Variants in SPON1 observed in about 807,000 individuals in gnomAD.
SPON1 encodes spondin-1.
Under a neutral mutation model 111.7 loss-of-function variants are expected in SPON1, and 52 were observed. That is an observed-to-expected ratio of 0.47 (90% CI 0.37 to 0.59). The LOEUF (loss-of-function observed/expected upper bound fraction) is 0.59. Ranked by LOEUF, SPON1 falls within the 20% of genes least tolerant of loss-of-function variation. The pLI is 0.00. For synonymous variants in SPON1, 410 were observed against 395.8 expected (o/e 1.04, Z -0.43); for missense variants, 957 against 1,068.5 (o/e 0.90, Z 1.46).
chr11:14,229,415 G>A (rs142315411), intron 6 of SPON1, among the ~76,000 whole-genome samples: 4 of 152,288 alleles, frequency 2.6e-5, no homozygotes, highest in Non-Finnish European at 2.9e-5. Context: ...TTGGTGCGTG[G>A]GCATGACAGG....
intron 7 of SPON1, among the ~76,000 whole-genome samples, chr11:14,250,655 G>C (rs1348830539): frequency 6.6e-5 from 10 of 152,052 alleles, no homozygotes; most frequent in African/African-American, 1.9e-4. Flanking sequence ...ACAAATCTAA[G>C]TCCCAGGTAG....
At chr11:14,217,725 G>C (rs1300857226) in intron 6 of SPON1, among the ~76,000 whole-genome samples, 6 of 151,884 alleles carry the variant, frequency 4.0e-5, no homozygotes, top group African/African-American at 1.5e-4. Flanking sequence ...AAAATATTGA[G>C]ATCTCTGAGT....
At chr11:14,240,731 C>T (rs1393019413) in intron 6 of SPON1, among the ~76,000 whole-genome samples, 1 of 152,050 alleles carries the variant, frequency 6.6e-6, no homozygotes, top group Non-Finnish European at 1.5e-5. Flanking sequence ...GGCCAGCTAA[C>T]TTGGCAGCCA....
chr11:14,115,662 A>G lies in SPON1; in HGVS notation c.677-19758A>G, dbSNP rs143782469. Among the ~76,000 whole-genome samples, 380 of 152,206 alleles carry G rather than the reference A, an allele frequency of 2.5e-3. 3 individuals carry two copies. The highest frequency in any genetic ancestry group is 8.2e-3 in the African/African-American group (341 of 41,524). ...TGAATCTACCGCTTTTCATTTATCT[A>G]TCCTATTATGGATGAACATTTGGGT... On this transcript the variant is annotated intron_variant, in intron 5 of 15. Coordinates refer to ENST00000576479, the MANE Select transcript of SPON1 (RefSeq NM_006108.4).
chr11:14,146,985 C>A (rs1554929399), intron 6 of SPON1, among the ~76,000 whole-genome samples: 2 of 129,196 alleles, frequency 1.5e-5, no homozygotes, highest in East Asian at 2.3e-4. Context: ...TAAATGAAAA[C>A]ATAAAAACGT....
intron 6 of SPON1, among the ~76,000 whole-genome samples, chr11:14,217,073 G>A (rs1459475403): frequency 1.3e-5 from 2 of 152,184 alleles, no homozygotes; most frequent in South Asian, 2.1e-4. Flanking sequence ...TGCGTCATAG[G>A]TGTTTGCTGG....
rs1554941390 is a variant in SPON1, at chr11:14,257,770, G to A, written c.1364G>A (p.Ser455Asn). ...AACTGGTCCCCATGGTCCGCCTGCAGCTCCTCCACCTGTGACAAAGGCAAG... is the reference window on the plus strand; with the variant it reads ...AACTGGTCCCCATGGTCCGCCTGCAACTCCTCCACCTGTGACAAAGGCAAG... ...YSNWSPWSAC[S>N]SSTCDKGKRM... Residue 455 changes from serine (S) to asparagine (N), a missense_variant, in exon 11 of 16, where the codon AGC becomes AAC. Physicochemically the swap from Ser to Asn is conservative, Grantham distance 46. Coordinates refer to ENST00000576479, the MANE Select transcript of SPON1 (RefSeq NM_006108.4). 6.2e-7 allele frequency: 1 copy of A among 1,613,430 alleles called. No individual in the cohort carries two copies. The highest frequency in any genetic ancestry group is 2.2e-5 in the East Asian group (1 of 44,874).
intron 3 of SPON1, among the ~76,000 whole-genome samples, chr11:14,071,171 AGC>A (rs1848872806): frequency 6.6e-6 from 1 of 152,138 alleles, no homozygotes; most frequent in Non-Finnish European, 1.5e-5. Flanking sequence ...TATAAACCTC[AGC>A]TGAGTTTTAT....
intron 6 of SPON1, among the ~76,000 whole-genome samples, chr11:14,226,192 G>A (rs1262913923): frequency 1.3e-5 from 2 of 152,170 alleles, no homozygotes; most frequent in East Asian, 1.9e-4. Flanking sequence ...AGGAAGTAGA[G>A]AGAGAGGATT....
chr11:14,169,876 C>A (rs1554932256), intron 6 of SPON1, among the ~76,000 whole-genome samples: 1 of 152,076 alleles, frequency 6.6e-6, no homozygotes, highest in African/African-American at 2.4e-5. Flanking sequence ...GGTACCAGTA[C>A]CATGCTGTTT....
intron 2 of SPON1, among the ~76,000 whole-genome samples, chr11:13,990,436 C>A (rs1445172490): frequency 1.7e-5 from 2 of 118,516 alleles, no homozygotes; most frequent in African/African-American, 6.6e-5. Flanking sequence ...AAATATTCCT[C>A]CATCCCTTTA....
At chr11:14,255,157 G>A (rs782803378) in intron 8 of SPON1, among the ~76,000 whole-genome samples, 28 of 152,182 alleles carry the variant, frequency 1.8e-4, no homozygotes, top group Non-Finnish European at 3.2e-4. Flanking sequence ...AGACAAATCT[G>A]CCCTACAATG....
At chr11:14,048,013 G>A (rs1848682080) in intron 3 of SPON1, among the ~76,000 whole-genome samples, 1 of 152,196 alleles carries the variant, frequency 6.6e-6, no homozygotes, top group South Asian at 2.1e-4. Context: ...GCTGAGGCGG[G>A]CAGATCACCT....
chr11:14,251,993 A>C (rs1289141021), intron 7 of SPON1, among the ~76,000 whole-genome samples: 1 of 152,244 alleles, frequency 6.6e-6, no homozygotes, highest in African/African-American at 2.4e-5. Flanking sequence ...AAAGCATCTC[A>C]TTTGATCCTG....
intron 2 of SPON1, among the ~76,000 whole-genome samples, chr11:14,004,616 G>A (rs1554912879): frequency 1.3e-5 from 2 of 151,986 alleles, no homozygotes; most frequent in Non-Finnish European, 2.9e-5. Flanking sequence ...ATACCTGTTG[G>A]CCATTTTTAT....
intron 5 of SPON1, among the ~76,000 whole-genome samples, chr11:14,123,200 T>C (rs1252167356): frequency 2.6e-5 from 4 of 152,092 alleles, no homozygotes; most frequent in Admixed American, 2.0e-4. Context: ...CCCAAAGTGC[T>C]GGGATTACAG....
chr11:14,240,324 A>ATGCTCCTGCTT (rs1353825681), intron 6 of SPON1, among the ~76,000 whole-genome samples: 4 of 152,230 alleles, frequency 2.6e-5, no homozygotes, highest in African/African-American at 9.6e-5. Flanking sequence ...ATGTGGTAGA[A>ATGCTCCTGCTT]TGCTCCTGCT....
chr11:14,063,173 G>A (rs1241429402), intron 3 of SPON1, among the ~76,000 whole-genome samples: 1 of 152,114 alleles, frequency 6.6e-6, no homozygotes, highest in Non-Finnish European at 1.5e-5. Flanking sequence ...TTTTACTTAT[G>A]TATTGGGTTT....
chr11:14,118,708 C>T (rs930951336), intron 5 of SPON1, among the ~76,000 whole-genome samples: 6 of 152,146 alleles, frequency 3.9e-5, no homozygotes, highest in East Asian at 1.9e-4. Flanking sequence ...GAACTAATCC[C>T]GGTGACAGGC....
Sources: allele counts gnomAD v4.1 joint callset (sites outside exome capture counted in the v4.1 genomes callset), GRCh38; gene constraint gnomAD v4.1.1; transcripts MANE v1.5; gene names NCBI Gene and HGNC (gene_info 2026-07-23, HGNC 2026-07-21).